AK2: variants seen among roughly 807,000 people sequenced by gnomAD.
The protein encoded by AK2 is adenylate kinase 2.
A neutral mutation model predicts 24.6 loss-of-function variants in AK2; 15 were observed. The ratio of observed to expected loss-of-function variants is 0.61; its 90% CI spans 0.41 to 0.94. AK2 has a LOEUF of 0.94. Among genes scored for constraint, AK2 ranks in the 40% least tolerant of loss-of-function variants. The probability of loss-of-function intolerance (pLI) is 0.00; values close to 1 mark genes in which losing one functional copy is unlikely to be tolerated. For synonymous variants in AK2, 102 were observed against 114.0 expected, an observed-to-expected ratio of 0.90 and a Z score of 0.67; for missense variants, 257 against 304.1, an observed-to-expected ratio of 0.85 and a Z score of 1.15.
intron 1 of AK2, chr1:33,031,607 A>G (rs1486084752): frequency 4.4e-6 from 2 of 455,960 alleles, no homozygotes; most frequent in Non-Finnish European, 8.8e-6. Flanking sequence ...CAAGCTCTGT[A>G]AATTACTTGC....
chr1:33,015,982 C>T (rs913271395), intron 4 of AK2, among the ~76,000 whole-genome samples: 1 of 152,110 alleles, frequency 6.6e-6, no homozygotes, highest in Admixed American at 6.5e-5. Flanking sequence ...TTAATCACAG[C>T]ATATTTTGGG....
At position 33,021,581 on chromosome 1, in the gene AK2, T is replaced by G; in HGVS notation, c.330+12A>C. 1 of 1,613,200 alleles carries G rather than the reference T, an allele frequency of 6.2e-7. No homozygotes were observed. Among genetic ancestry groups the G allele is most frequent in the South Asian group, 1.1e-5 (1 of 91,044 alleles). On this transcript the variant is annotated intron_variant, in intron 3 of 5. Transcript: ENST00000672715. ...TTTCATGCAGTAGTAATATAAAAAC[T>G]AAGCTACCCACCATTTCTGCCTGCC...
intron 4 of AK2, among the ~76,000 whole-genome samples, chr1:33,016,350 T>C (rs1206701545): frequency 6.6e-6 from 1 of 152,162 alleles, no homozygotes; most frequent in Non-Finnish European, 1.5e-5. Flanking sequence ...TAGCTGGGAC[T>C]ACAGGCGCCC....
intron 4 of AK2, among the ~76,000 whole-genome samples, chr1:33,018,539 G>T (rs1457874902): frequency 6.6e-6 from 1 of 152,152 alleles, no homozygotes; most frequent in Non-Finnish European, 1.5e-5. Flanking sequence ...GCAGAAAGCA[G>T]GCTTCCAGGG....
chr1:33,022,522 A>AT (rs1285916725), intron 2 of AK2, among the ~76,000 whole-genome samples: 11 of 151,616 alleles, frequency 7.3e-5, no homozygotes, highest in African/African-American at 2.7e-4. Flanking sequence ...TGCCCAGCTA[A>AT]TTTTTTGTAT....
chr1:33,013,522 C>G (rs1281735875), intron 5 of AK2, 120 bp from the exon 6 acceptor site: 6 of 1,524,948 alleles, frequency 3.9e-6, no homozygotes, highest in Non-Finnish European at 3.5e-6. Context: ...TCCCAAAGCC[C>G]ATCAGAGACA....
Position 33,036,772 on chromosome 1 carries a change from C to T in AK2, c.57G>A (p.Val19=), listed in dbSNP as rs371268140. Residue 19 remains valine (V), a synonymous_variant, in exon 1 of 6, where the codon GTG becomes GTA. Transcript: ENST00000672715. ...EPEYPKGIRA[V]LLGPPGAGKG... is the part of the protein sequence containing the mutation. ...TACCGGCCCCGGGAGGCCCCAGCAG[C>T]ACGGCCCGGATGCCTTTAGGATACT... 35 of 1,599,222 alleles carry T rather than the reference C, an allele frequency of 2.2e-5. No homozygotes were observed. Among genetic ancestry groups the T allele is most frequent in the Middle Eastern group, 1.9e-4 (1 of 5,150 alleles).
intron 1 of AK2, among the ~76,000 whole-genome samples, chr1:33,035,919 A>G (rs995373869): frequency 1.3e-5 from 2 of 152,192 alleles, no homozygotes; most frequent in African/African-American, 4.8e-5. Context: ...AAAGGAAAAA[A>G]TAAATAAAAA....
chr1:33,012,707 G>C lies in AK2; in HGVS notation c.*474C>G, dbSNP rs1464230912. On this transcript the variant is annotated 3_prime_UTR_variant, in exon 6 of 6. Coordinates refer to ENST00000672715, the MANE Select transcript of AK2 (RefSeq NM_001625.4). ...AGCCTAGGAGTTCAAGACCAGCCTG[G>C]GCAACTTGGCAAAATCCTGTCTCTA... 1 of 1,121,166 alleles carries C rather than the reference G, an allele frequency of 8.9e-7. No individual in the cohort carries two copies. Among genetic ancestry groups the C allele is most frequent in the African/African-American group, 1.6e-5 (1 of 62,308 alleles). 69.5% of individuals were successfully genotyped at this position (1,121,166 alleles called of 1,614,324 possible).
At chr1:33,033,076 C>T (rs555617721) in intron 1 of AK2, among the ~76,000 whole-genome samples, 6 of 151,056 alleles carry the variant, frequency 4.0e-5, no homozygotes, top group Non-Finnish European at 7.4e-5. Context: ...GGCAGAATGG[C>T]GTGAATCCGG....
chr1:33,009,679 T>C lies in AK2; in HGVS notation c.*3502A>G, dbSNP rs1638679540. ...TGGCTGGGATTTGTCCTAGGTCCCC[T>C]GAACTCCAAGCACAGTGCTATCTCC... On this transcript the variant is annotated 3_prime_UTR_variant, in exon 6 of 6. Transcript: ENST00000672715. 2.2e-6 allele frequency: 1 copy of C among 454,018 alleles called. No homozygotes were observed. The highest frequency in any genetic ancestry group is 4.4e-6 in the Non-Finnish European group (1 of 226,796). 28.1% of individuals were successfully genotyped at this position (454,018 alleles called of 1,614,324 possible).
chr1:33,031,758 G>A (rs1640247491), intron 1 of AK2: 14 of 445,134 alleles, frequency 3.1e-5, no homozygotes, highest in South Asian at 1.9e-4. Context: ...CTGCCTAAGC[G>A]TGCCTGGCCT....
rs762416213 is a variant in AK2, at chr1:33,012,964, G to A, written c.*217C>T. 9.6e-6 allele frequency: 15 copies of A among 1,562,044 alleles called. No individual in the cohort carries two copies. In the South Asian group the frequency reaches 1.7e-4, roughly 18 times the overall value. On this transcript the variant is annotated 3_prime_UTR_variant, in exon 6 of 6. Coordinates refer to ENST00000672715, the MANE Select transcript of AK2 (RefSeq NM_001625.4). The stretch of plus-strand genomic sequence containing the variant: ...CTAGCCTAAAACTTACAAAGTAGCA[G>A]AGTGAACACATATGTGCATGCACAC...
intron 4 of AK2, among the ~76,000 whole-genome samples, chr1:33,019,387 C>T (rs375362951): frequency 1.3e-5 from 2 of 152,184 alleles, no homozygotes; most frequent in East Asian, 1.9e-4. Context: ...TCTGCTAATA[C>T]GTGCTTAGTG....
At chr1:33,013,739 A>T (rs1638997481) in intron 5 of AK2, among the ~76,000 whole-genome samples, 1 of 152,218 alleles carries the variant, frequency 6.6e-6, no homozygotes, top group Non-Finnish European at 1.5e-5. Context: ...AAAGTAAGGA[A>T]GTCAAAAAGG....
rs778269600 is a variant in AK2, at chr1:33,013,199, G to A, written c.702C>T (p.Asp234=). The change falls in exon 6 of 6, where the codon GAC becomes GAT. Residue 234 remains aspartate, a synonymous_variant. Transcript: ENST00000672715. ...LAAFSKATCK[D]LVMFI ...CCCAACATTAGATAAACATAACCAA[G>A]TCTTTACATGTGGCTTTGGAGAAGG... The A allele has an allele frequency of 4.3e-6, 7 of 1,614,082 alleles. No homozygotes were observed. The highest frequency in any genetic ancestry group is 5.9e-6 in the Non-Finnish European group (7 of 1,179,968).
At chr1:33,029,302 C>T (rs72884314) in intron 1 of AK2, 5,503 of 151,972 alleles carry the variant, frequency 0.036, 367 homozygotes, top group African/African-American at 0.12. Flanking sequence ...CACTACACAT[C>T]GGCATGGGAA....
chr1:33,028,270 G>A (rs998419429), intron 1 of AK2, among the ~76,000 whole-genome samples: 9 of 152,114 alleles, frequency 5.9e-5, no homozygotes, highest in African/African-American at 1.2e-4. Context: ...CTAGGAGGCC[G>A]AAGCAGGCGG....
In AK2 at chr1:33,012,486, C is replaced by G; in HGVS notation, c.*695G>C. 7 of 1,392,352 alleles carry G rather than the reference C, an allele frequency of 5.0e-6. No homozygotes were observed. Among genetic ancestry groups the G allele is most frequent in the Non-Finnish European group, 6.6e-6 (7 of 1,057,874 alleles). 86.2% of individuals were successfully genotyped at this position (1,392,352 alleles called of 1,614,324 possible). The stretch of plus-strand genomic sequence containing the variant: ...CCTGACTTCACATGATCCTGGACTT[C>G]TAATCAGCTGCTGGAAATGGAAGAA... On this transcript the variant is annotated 3_prime_UTR_variant, in exon 6 of 6. Transcript: ENST00000672715.
Sources: allele counts gnomAD v4.1 joint callset (sites outside exome capture counted in the v4.1 genomes callset), GRCh38; gene constraint gnomAD v4.1.1; transcripts MANE v1.5; gene names NCBI Gene and HGNC (gene_info 2026-07-23, HGNC 2026-07-21).